Variants in APC observed in about 807,000 individuals in gnomAD.
APC encodes APC regulator of Wnt signaling pathway, also known as adenomatous polyposis coli protein.
A neutral mutation model predicts 247.0 loss-of-function variants in APC; 72 were observed. That is an observed-to-expected ratio of 0.29 (90% CI 0.24 to 0.35). APC has a LOEUF of 0.35. APC is among the 10% of genes least tolerant of loss of function. APC has a pLI of 1.00. For missense variants in APC, 3,400 were observed against 3,360.7 expected (o/e 1.01, Z -0.29); for synonymous variants, 1,254 against 1,162.5 (o/e 1.08, Z -1.60).
chr5:112,838,434 G>A lies in APC; in HGVS notation c.2840G>A (p.Cys947Tyr), dbSNP rs997271472. 1 of 1,614,194 alleles carries A rather than the reference G, an allele frequency of 6.2e-7. No individual in the cohort carries two copies. ...FTKSENSNRT[C>Y]SMPYAKLEYK... ...AAGTCGGAAAATTCAAATAGGACAT[G>A]TTCTATGCCTTATGCCAAATTAGAA... Residue 947 changes from cysteine (C) to tyrosine (Y), a missense_variant, in exon 16 of 16, where the codon TGT becomes TAT. Cys to Tyr is a radical substitution (Grantham distance 194). This residue lies in a region of APC where 715 missense variants were observed against 656.6 expected (regional missense o/e 1.09). Transcript: ENST00000257430.
At chr5:112,731,601 G>T (rs1387855949) in intron 1 of APC, among the ~76,000 whole-genome samples, 2 of 152,172 alleles carry the variant, frequency 1.3e-5, no homozygotes, top group Non-Finnish European at 2.9e-5. Context: ...GCTTTTGGGG[G>T]ACATACTCAA....
chr5:112,767,677 C>G (rs1484572059), intron 4 of APC, among the ~76,000 whole-genome samples: 7 of 152,084 alleles, frequency 4.6e-5, no homozygotes, highest in Non-Finnish European at 2.9e-5. Flanking sequence ...GTCTCCCAGG[C>G]TGGAGTGTAG....
chr5:112,709,849 G>A (rs529210265), intron 1 of APC, among the ~76,000 whole-genome samples: 1 of 152,298 alleles, frequency 6.6e-6, no homozygotes, highest in East Asian at 1.9e-4. Flanking sequence ...AGGTTGCAGT[G>A]AGCCAAGATT....
intron 8 of APC, among the ~76,000 whole-genome samples, chr5:112,813,049 G>A (rs187819447): frequency 1.3e-5 from 2 of 152,164 alleles, no homozygotes; most frequent in Non-Finnish European, 2.9e-5. Flanking sequence ...TCTGGACTCT[G>A]AACTAGTATT....
intron 14 of APC, among the ~76,000 whole-genome samples, chr5:112,831,236 G>C (rs1459523428): frequency 6.6e-6 from 1 of 152,080 alleles, no homozygotes; most frequent in East Asian, 1.9e-4. Context: ...AGCCTCCCAA[G>C]TAGCTGGGAT....
At chr5:112,827,332 T>C (rs1763808805) in intron 12 of APC, 85 bp downstream of exon 12, 1 of 1,433,412 alleles carries the variant, frequency 7.0e-7, no homozygotes, top group African/African-American at 1.4e-5. Flanking sequence ...CTGATTTTCT[T>C]TTTTTTCACT....
At chr5:112,758,915 T>C (rs1755319713) in intron 2 of APC, among the ~76,000 whole-genome samples, 1 of 152,188 alleles carries the variant, frequency 6.6e-6, no homozygotes, top group South Asian at 2.1e-4. Context: ...CCTAGAGCTC[T>C]TTAATTGACT....
intron 7 of APC, among the ~76,000 whole-genome samples, chr5:112,799,498 A>G (rs577765405): frequency 3.7e-4 from 57 of 152,234 alleles, no homozygotes; most frequent in African/African-American, 1.3e-3. Flanking sequence ...GCATAGTGCC[A>G]CTGTCTCACA....
chr5:112,766,147 CTATTAT>C lies in APC; in HGVS notation c.136-174_136-169del, dbSNP rs1270369261. Among the ~76,000 whole-genome samples the C allele has an allele frequency of 2.0e-5, 3 of 152,086 alleles. No individual in the cohort carries two copies. In the East Asian group the frequency reaches 5.8e-4, roughly 29 times the overall value. On this transcript the variant is annotated intron_variant, in intron 2 of 15. Coordinates refer to ENST00000257430, the MANE Select transcript of APC (RefSeq NM_000038.6). ...TAATCACCATTATCTCAAAATATCACTATTATTATTTGGCCATGATTTATTTATTAA... is the reference window on the plus strand; with the variant it reads ...TAATCACCATTATCTCAAAATATCACTATTTGGCCATGATTTATTTATTAA...
chr5:112,819,435 TTATGAC>T, intron 10 of APC, 91 bp downstream of exon 10: 1 of 1,515,774 alleles, frequency 6.6e-7, no homozygotes, highest in Non-Finnish European at 9.1e-7. Flanking sequence ...TATGCTGTCT[TTATGAC>T]TAAGAGGAGA....
intron 4 of APC, among the ~76,000 whole-genome samples, chr5:112,769,050 C>CTTTTTTTTTT (rs11379766): frequency 6.2e-5 from 6 of 96,822 alleles, no homozygotes; most frequent in African/African-American, 8.3e-5. Context: ...TTTTTTTCTT[C>CTTTTTTTTTT]TTTTTTTTTT....
Position 112,843,472 on chromosome 5 carries a change from T to G in APC, c.7878T>G (p.Thr2626=), listed in dbSNP as rs757020188. The change falls in exon 16 of 16, where the codon ACT becomes ACG. Residue 2626 remains threonine (T), a synonymous_variant. Transcript: ENST00000257430. The surrounding 1 kb of genome is among the most constrained non-coding windows in gnomAD (Gnocchi z 4.8). ...ATGAATTTTCTCCCACAAATAGTAC[T>G]TCTCAGACCGTTTCCTCAGGTGCTA... The part of the protein sequence containing the change: ...KENEFSPTNS[T]SQTVSSGATN... 76 of 1,613,852 alleles carry G rather than the reference T, an allele frequency of 4.7e-5. No individual in the cohort carries two copies. The highest frequency in any genetic ancestry group is 6.6e-5 in the South Asian group (6 of 91,068).
At position 112,838,919 on chromosome 5, in the gene APC, G is replaced by C. The variant is rs587778040; in HGVS notation, c.3325G>C (p.Gly1109Arg). 6.2e-7 allele frequency: 1 copy of C among 1,614,092 alleles called. No individual in the cohort carries two copies. The highest frequency in any genetic ancestry group is 1.7e-5 in the Admixed American group (1 of 60,010). ...TCCATACAGGTCACGGGGAGCCAAT[G>C]GTTCAGAAACAAATCGAGTGGGTTC... is the stretch of plus-strand genomic sequence containing the variant. ...VSPYRSRGAN[G>R]SETNRVGSNH... The change falls in exon 16 of 16, where the codon GGT becomes CGT. Residue 1109 changes from glycine to arginine, a missense_variant. Gly to Arg is a moderately radical substitution (Grantham distance 125). Coordinates refer to ENST00000257430, the MANE Select transcript of APC (RefSeq NM_000038.6).
At chr5:112,816,591 C>T (rs544550368) in intron 9 of APC, among the ~76,000 whole-genome samples, 11 of 151,848 alleles carry the variant, frequency 7.2e-5, no homozygotes, top group South Asian at 2.1e-4. Flanking sequence ...GCCAGGAGTT[C>T]GAAACCAGCC....
intron 6 of APC, among the ~76,000 whole-genome samples, chr5:112,790,996 A>C (rs1759522174): frequency 6.6e-6 from 1 of 152,238 alleles, no homozygotes; most frequent in African/African-American, 2.4e-5. Context: ...ATTATTACAG[A>C]AAATGGTACA....
intron 1 of APC, among the ~76,000 whole-genome samples, chr5:112,719,415 G>T (rs1262688368): frequency 6.6e-6 from 1 of 151,018 alleles, no homozygotes; most frequent in African/African-American, 2.4e-5. Context: ...TAGAGGTGGG[G>T]TTTTACCATG....
chr5:112,807,101 C>G (rs1321925872), intron 8 of APC, among the ~76,000 whole-genome samples: 2 of 149,826 alleles, frequency 1.3e-5, no homozygotes, highest in African/African-American at 5.0e-5. Flanking sequence ...CCACTGCACT[C>G]TAGCCTGGGT....
rs786203610 is a variant in APC, at chr5:112,841,826, C to T, written c.6232C>T (p.Leu2078Phe). ...TGGCATATTAGGTGAAGATCTGACA[C>T]TTGATTTGAAAGATATACAGAGACC... is the stretch of plus-strand genomic sequence containing the variant. ...MGGILGEDLT[L>F]DLKDIQRPDS... is the part of the protein sequence containing the mutation. The change falls in exon 16 of 16, where the codon CTT becomes TTT. Residue 2078 changes from leucine (L) to phenylalanine (F), a missense_variant. Physicochemically the swap from Leu to Phe is conservative, Grantham distance 22. Around this residue, in one of 9 missense-constraint regions of APC, gnomAD observed 1,788 missense variants for 1,649.5 expected, o/e 1.08. Coordinates refer to ENST00000257430, the MANE Select transcript of APC (RefSeq NM_000038.6). The surrounding 1 kb of genome is among the most constrained non-coding windows in gnomAD (Gnocchi z 4.6). 1 of 1,613,936 alleles carries T rather than the reference C, an allele frequency of 6.2e-7. No homozygotes were observed. The highest frequency in any genetic ancestry group is 1.1e-5 in the South Asian group (1 of 91,078).
chr5:112,764,078 TA>T (rs36096224), intron 2 of APC, among the ~76,000 whole-genome samples: 127,585 of 139,740 alleles, frequency 0.91, 59,021 homozygotes, highest in Non-Finnish European at 0.99. Context: ...TCTACTATAC[TA>T]AAAAAAAAAA....
Sources: gnomAD v4.1 joint callset for allele counts (sites outside exome capture counted in the v4.1 genomes callset) on GRCh38, gnomAD v4.1.1 for gene constraint, gnomAD v4.1.1 regional missense constraint, Gnocchi (gnomAD v3.1) non-coding constraint, MANE v1.5 for transcripts, NCBI Gene and HGNC (gene_info 2026-07-23, HGNC 2026-07-21) for gene names.